Variants in SMG6 observed in about 807,000 individuals in gnomAD.
SMG6 encodes telomerase-binding protein EST1A.
In SMG6, 66 loss-of-function variants were observed where a neutral mutation model predicts 142.2. The ratio of observed to expected loss-of-function variants is 0.46; its 90% CI spans 0.38 to 0.57. The LOEUF (loss-of-function observed/expected upper bound fraction) is 0.57, where lower values mean the gene tolerates loss of function less well. SMG6 is among the 20% of genes least tolerant of loss of function. The pLI is 0.00. For synonymous variants in SMG6, 779 were observed against 702.4 expected (o/e 1.11, Z -1.72); for missense variants, 1,793 against 1,832.0 (o/e 0.98, Z 0.39).
intron 10 of SMG6, among the ~76,000 whole-genome samples, chr17:2,203,181 G>A (rs117298709): frequency 0.02 from 3,014 of 152,238 alleles, 49 homozygotes; most frequent in Non-Finnish European, 0.029. Context: ...AAATAAATAA[G>A]TAAGTTGCCA....
rs1420270985 is a variant in SMG6 at position 2,060,041 on chromosome 17, A to G, written c.*1451T>C. ...TCTAGGGGACTCCTACCCCCAAACT[A>G]CTGGCCTTGGCTCCCCTACACGGTA... On this transcript the variant is annotated 3_prime_UTR_variant, in exon 19 of 19. Transcript: ENST00000263073. The G allele has an allele frequency of 2.6e-5, 4 of 152,176 alleles. No individual in the cohort carries two copies. Among genetic ancestry groups the G allele is most frequent in the African/African-American group, 7.3e-5 (3 of 41,314 alleles). The allele number at this position is 152,176 out of a possible 1,614,324, so 9.4% of individuals were successfully genotyped here.
intron 12 of SMG6, among the ~76,000 whole-genome samples, chr17:2,181,959 A>T (rs2071819881): frequency 6.6e-6 from 1 of 152,196 alleles, no homozygotes; most frequent in Non-Finnish European, 1.5e-5. Context: ...GAGAGAGCTA[A>T]CAGACCTGTG....
At chr17:2,158,738 G>A (rs758647586) in intron 13 of SMG6, among the ~76,000 whole-genome samples, 1 of 151,922 alleles carries the variant, frequency 6.6e-6, no homozygotes, top group South Asian at 2.1e-4. Flanking sequence ...GCAACATGGC[G>A]AAACCATGGC....
At chr17:2,266,241 G>C in intron 8 of SMG6, 2 of 940,684 alleles carry the variant, frequency 2.1e-6, no homozygotes, top group Middle Eastern at 5.5e-4. Flanking sequence ...GGGGTGGAAA[G>C]TGGCCTGTGG....
intron 13 of SMG6, chr17:2,087,335 G>A (rs2068591672): frequency 1.7e-6 from 2 of 1,210,272 alleles, no homozygotes; most frequent in Admixed American, 3.1e-5. Context: ...CGCTGTGCAG[G>A]CTGGCTGCCC....
intron 8 of SMG6, among the ~76,000 whole-genome samples, chr17:2,281,304 T>A (rs947077758): frequency 1.3e-5 from 2 of 152,100 alleles, no homozygotes; most frequent in Non-Finnish European, 2.9e-5. Flanking sequence ...TTTGAAAATT[T>A]TTTTACAGAG....
intron 6 of SMG6, among the ~76,000 whole-genome samples, chr17:2,284,027 T>C: frequency 6.6e-6 from 1 of 152,198 alleles, no homozygotes; most frequent in Admixed American, 6.5e-5. Context: ...TTACATCTTG[T>C]TCTTAGAAAA....
intron 8 of SMG6, among the ~76,000 whole-genome samples, chr17:2,245,885 G>T (rs2073918036): frequency 6.6e-6 from 1 of 152,128 alleles, no homozygotes; most frequent in African/African-American, 2.4e-5. Context: ...TCAATACGTT[G>T]CCCAGACTGG....
chr17:2,297,927 A>G lies in SMG6; in HGVS notation c.1976T>C (p.Val659Ala), dbSNP rs764000373. 6.2e-7 allele frequency: 1 copy of G among 1,613,310 alleles called. No homozygotes were observed. The highest frequency in any genetic ancestry group is 8.5e-7 in the Non-Finnish European group (1 of 1,180,034). ...YQVIEKFRQL[V>A]KDPNVENPEQ... ...TGGGTTCTCAACATTCGGATCCTTG[A>G]CAAGTTGCCTGAACTTCTCAATCAC... The change falls in exon 3 of 19, where the codon GTC becomes GCC. Residue 659 changes from valine (V) to alanine (A), a missense_variant. Physicochemically the swap from Val to Ala is moderately conservative, Grantham distance 64. Coordinates refer to ENST00000263073, the MANE Select transcript of SMG6 (RefSeq NM_017575.5).
At chr17:2,121,437 G>T (rs1010930833) in intron 13 of SMG6, among the ~76,000 whole-genome samples, 1 of 152,098 alleles carries the variant, frequency 6.6e-6, no homozygotes, top group African/African-American at 2.4e-5. Flanking sequence ...TTTATATGGG[G>T]TTCTAAAATA....
At chr17:2,187,809 G>C (rs985525327) in intron 11 of SMG6, among the ~76,000 whole-genome samples, 6 of 151,794 alleles carry the variant, frequency 4.0e-5, no homozygotes, top group Admixed American at 1.3e-4. Context: ...TGGGGTGACA[G>C]TGGGGTCTCA....
In SMG6 at chr17:2,209,790, G is replaced by A. The variant is rs572160355; in HGVS notation, c.2870-21275C>T. 7.2e-5 allele frequency among the ~76,000 whole-genome samples: 11 copies of A among 152,246 alleles called. No homozygotes were observed. The East Asian group carries it at 1.4e-3, about 19-fold the overall frequency. ...GCTGGGATTACAGGCGTGAGGCACC[G>A]TGCCCAGCCAAGATAGCTCTATTTG... On this transcript the variant is annotated intron_variant, in intron 10 of 18. Coordinates refer to ENST00000263073, the MANE Select transcript of SMG6 (RefSeq NM_017575.5).
intron 8 of SMG6, among the ~76,000 whole-genome samples, chr17:2,255,117 A>G (rs1195730690): frequency 6.6e-6 from 1 of 151,452 alleles, no homozygotes; most frequent in East Asian, 1.9e-4. Flanking sequence ...AAAGAATGTG[A>G]TCTTCGGCCG....
intron 13 of SMG6, among the ~76,000 whole-genome samples, chr17:2,121,565 A>G (rs200467178): frequency 6.7e-6 from 1 of 150,094 alleles, no homozygotes; most frequent in South Asian, 2.1e-4. Flanking sequence ...ACACACATAT[A>G]TGTATATATG....
At chr17:2,146,934 A>G (rs1199710653) in intron 13 of SMG6, among the ~76,000 whole-genome samples, 1 of 152,194 alleles carries the variant, frequency 6.6e-6, no homozygotes, top group African/African-American at 2.4e-5. Context: ...TTCTCACAAC[A>G]GCTCTTTGAG....
At position 2,085,878 on chromosome 17, in the gene SMG6, C is replaced by T; in HGVS notation, c.3381G>A (p.Arg1127=). ...CCAGAAAATACTTCAGCACTGTGAC[C>T]CTTTTGCAGTCAGCTGCAATAACCT... ...SDKVIAADCK[R]VTVLKYFLEA... is the part of the protein sequence containing the mutation. Residue 1127 remains arginine (R), a synonymous_variant, in exon 14 of 19, where the codon AGG becomes AGA. Transcript: ENST00000263073. The surrounding 1 kb of genome is among the most constrained non-coding windows in gnomAD (Gnocchi z 4.1). The T allele has an allele frequency of 6.2e-7, 1 of 1,614,142 alleles. No individual in the cohort carries two copies. Among genetic ancestry groups the T allele is most frequent in the Non-Finnish European group, 8.5e-7 (1 of 1,180,012 alleles).
At chr17:2,207,789 A>T (rs977713121) in intron 10 of SMG6, among the ~76,000 whole-genome samples, 1 of 152,216 alleles carries the variant, frequency 6.6e-6, no homozygotes, top group Non-Finnish European at 1.5e-5. Flanking sequence ...GGTAGCGAGA[A>T]CAAAGCTCCA....
intron 10 of SMG6, among the ~76,000 whole-genome samples, chr17:2,204,951 A>G (rs1276087986): frequency 6.6e-6 from 1 of 152,200 alleles, no homozygotes; most frequent in African/African-American, 2.4e-5. Context: ...CAACAGAGTA[A>G]AACTCTGCCT....
In SMG6 at chr17:2,068,044, C is replaced by T. The variant is rs984683034; in HGVS notation, c.3835+734G>A. Among the ~76,000 whole-genome samples, 5 of 152,168 alleles carry T rather than the reference C, an allele frequency of 3.3e-5. No homozygotes were observed. Among genetic ancestry groups the T allele is most frequent in the African/African-American group, 9.7e-5 (4 of 41,434 alleles). ...ACAGAGGCCATCAGCTAGATATGAG[C>T]CCAGAGCCCAGAGCCCACCCTGAGG... On this transcript the variant is annotated intron_variant, in intron 16 of 18. Coordinates refer to ENST00000263073, the MANE Select transcript of SMG6 (RefSeq NM_017575.5). The surrounding 1 kb of genome is among the most constrained non-coding windows in gnomAD (Gnocchi z 6.7).
Sources: gnomAD v4.1 joint callset for allele counts (sites outside exome capture counted in the v4.1 genomes callset) on GRCh38, gnomAD v4.1.1 for gene constraint, Gnocchi (gnomAD v3.1) non-coding constraint, MANE v1.5 for transcripts, NCBI Gene and HGNC (gene_info 2026-07-23, HGNC 2026-07-21) for gene names.